Variants in TRIM52 observed in about 807,000 individuals in gnomAD.
The protein encoded by TRIM52 is tripartite motif containing 52.
TRIM52 carries 24 observed loss-of-function variants against 27.0 expected under a neutral mutation model. The observed-to-expected ratio is 0.89, with a 90% CI of 0.64 to 1.25. The LOEUF (loss-of-function observed/expected upper bound fraction) is 1.25. TRIM52 is among the 50% of genes most tolerant of loss of function. The pLI, the probability that TRIM52 is intolerant of heterozygous loss-of-function variation, is 0.00. For synonymous variants in TRIM52, 125 were observed against 126.5 expected (o/e 0.99, Z 0.08); for missense variants, 351 against 354.7 (o/e 0.99, Z 0.08).
chr5:181,251,663 C>T (rs56881302), downstream of TRIM52, among the ~76,000 whole-genome samples: 1,357 of 152,226 alleles, frequency 8.9e-3, 24 homozygotes, highest in African/African-American at 0.031. Flanking sequence ...GCTCACTGCC[C>T]CACACCCAGG....
downstream of TRIM52, among the ~76,000 whole-genome samples, chr5:181,253,601 A>G (rs1189804639): frequency 7.0e-6 from 1 of 142,974 alleles, no homozygotes; most frequent in Non-Finnish European, 1.5e-5. Context: ...TGTAGTGGGT[A>G]GAGTCCAGAG....
chr5:181,257,433 C>G (rs1759830232), intron 1 of TRIM52: 1 of 1,612,780 alleles, frequency 6.2e-7, no homozygotes, highest in African/African-American at 1.3e-5. Flanking sequence ...ATAGGCCTTG[C>G]TGTGAATGCT....
intron 1 of TRIM52, chr5:181,259,762 A>G: frequency 2.6e-6 from 2 of 779,322 alleles, no homozygotes; most frequent in Non-Finnish European, 3.9e-6. Flanking sequence ...GCTTCCAGTG[A>G]CCGTCATATT....
rs1185397318 is a variant in TRIM52, at chr5:181,260,003, G to T, written c.811C>A (p.Gln271Lys). 1.2e-6 allele frequency: 2 copies of T among 1,613,494 alleles called. No homozygotes were observed. Among genetic ancestry groups the T allele is most frequent in the African/African-American group, 2.7e-5 (2 of 74,872 alleles). The change falls in exon 1 of 2, where the codon CAG (glutamine) becomes AAG (lysine). Residue 271 changes from glutamine to lysine, a missense_variant and splice_region_variant. Gln to Lys is a moderately conservative substitution (Grantham distance 53, BLOSUM62 1). Coordinates refer to ENST00000688015, the MANE Select transcript of TRIM52 (RefSeq NM_001346048.2). The surrounding 1 kb of genome is among the most constrained non-coding windows in gnomAD (Gnocchi z 4.4). ...CCACATTCCCTCATTTCTCTCACCT[G>T]GTACTCCTGCACCACCTCCTCCAAA... ...LPLEEVVQEY[Q>K]KIGSTSSVEL...
Position 181,260,142 on chromosome 5 carries a change from C to T in TRIM52, c.672G>A (p.Gln224=). 2 of 1,614,218 alleles carry T rather than the reference C, an allele frequency of 1.2e-6. No individual in the cohort carries two copies. The highest frequency in any genetic ancestry group is 1.7e-6 in the Non-Finnish European group (2 of 1,180,042). The part of the protein sequence containing the change: ...TPYRGNRSND[Q]GMCFKHQEAL... ...CTTCCTGGTGTTTAAAGCACATGCC[C>T]TGATCATTACTCCGGTTTCCCCGAT... is the stretch of plus-strand genomic sequence containing the variant. Residue 224 remains glutamine, a synonymous_variant, in exon 1 of 2, where the codon CAG becomes CAA. Transcript: ENST00000688015. The surrounding 1 kb of genome is among the most constrained non-coding windows in gnomAD (Gnocchi z 4.4).
Position 181,256,528 on chromosome 5 carries a change from A to C in TRIM52, c.*281T>G, listed in dbSNP as rs530205373. ...TGTTTTTTAAGATCTGAAGTTTGAT[A>C]TATACAGTCATTAATTCAGAGTTAA... On this transcript the variant is annotated 3_prime_UTR_variant, in exon 2 of 2. Coordinates refer to ENST00000688015, the MANE Select transcript of TRIM52 (RefSeq NM_001346048.2). The C allele has an allele frequency of 5.9e-5, 9 of 152,598 alleles. No homozygotes were observed. The highest frequency in any genetic ancestry group is 2.2e-4 in the African/African-American group (9 of 41,558). 9.5% of individuals were successfully genotyped at this position (152,598 alleles called of 1,614,324 possible).
chr5:181,258,463 T>C (rs369905052), intron 1 of TRIM52: 1 of 152,224 alleles, frequency 6.6e-6, no homozygotes, highest in Admixed American at 6.5e-5. Flanking sequence ...CCCAGAAGCA[T>C]AGGACATAAG....
Position 181,255,559 on chromosome 5 carries a change from C to T in TRIM52, c.*1250G>A, listed in dbSNP as rs1759741709. 6.6e-6 allele frequency: 1 copy of T among 152,198 alleles called. No individual in the cohort carries two copies. Among genetic ancestry groups the T allele is most frequent in the South Asian group, 2.1e-4 (1 of 4,834 alleles). 9.4% of individuals were successfully genotyped at this position (152,198 alleles called of 1,614,324 possible). ...GATTTTAAGAACAAGCTCAGGAGCA[C>T]ATCACTCAAAATAATTCCAAGTATT... On this transcript the variant is annotated 3_prime_UTR_variant, in exon 2 of 2. Transcript: ENST00000688015.
Position 181,260,871 on chromosome 5 carries a change from G to A in TRIM52, c.-58C>T. The A allele has an allele frequency of 1.1e-5, 16 of 1,515,782 alleles. No individual in the cohort carries two copies. The South Asian group carries it at 1.8e-4, about 17-fold the overall frequency. 93.9% of individuals were successfully genotyped at this position (1,515,782 alleles called of 1,614,324 possible). A position where few individuals can be genotyped will look rare whatever the true frequency, so the allele number is the denominator to read the frequency against. On this transcript the variant is annotated 5_prime_UTR_variant, in exon 1 of 2. Coordinates refer to ENST00000688015, the MANE Select transcript of TRIM52 (RefSeq NM_001346048.2). This position sits in a 1 kb window ranked among gnomAD's most constrained non-coding sequence, Gnocchi z 4.4. ...GCTTGGAGCTGAGGAGCGGGGACGCGCCTGCAGGCCTGCCTCCAAACTACT... is the reference window on the plus strand; with the variant it reads ...GCTTGGAGCTGAGGAGCGGGGACGCACCTGCAGGCCTGCCTCCAAACTACT...
Position 181,260,631 on chromosome 5 carries a change from A to G in TRIM52, c.183T>C (p.Asp61=). The G allele has an allele frequency of 1.2e-6, 2 of 1,612,802 alleles. No individual in the cohort carries two copies. The highest frequency in any genetic ancestry group is 1.1e-5 in the South Asian group (1 of 90,950). ...EDEEDQNEEE[D]EWEEEEDEEA... is the part of the protein sequence containing the mutation. ...CCTCGTCCTCCTCCTCCTCCCATTCATCTTCCTCCTCGTTCTGGTCCTCCT... is the reference window on the plus strand; with the variant it reads ...CCTCGTCCTCCTCCTCCTCCCATTCGTCTTCCTCCTCGTTCTGGTCCTCCT... Residue 61 remains aspartate, a synonymous_variant, in exon 1 of 2, where the codon GAT becomes GAC. Transcript: ENST00000688015. This position sits in a 1 kb window ranked among gnomAD's most constrained non-coding sequence, Gnocchi z 4.4.
chr5:181,253,217 CAG>C (rs1215736910), downstream of TRIM52, among the ~76,000 whole-genome samples: 2 of 141,228 alleles, frequency 1.4e-5, no homozygotes, highest in Admixed American at 1.4e-4. Context: ...GTATTTTTAG[CAG>C]AGACAGGGTT....
In TRIM52 at chr5:181,260,508, A is replaced by G. The variant is rs887512443; in HGVS notation, c.306T>C (p.Asp102=). 6.2e-7 allele frequency: 1 copy of G among 1,613,614 alleles called. No individual in the cohort carries two copies. Among genetic ancestry groups the G allele is most frequent in the Non-Finnish European group, 8.5e-7 (1 of 1,179,936 alleles). Residue 102 remains aspartate (D), a synonymous_variant, in exon 1 of 2, where the codon GAT becomes GAC. Transcript: ENST00000688015. This position sits in a 1 kb window ranked among gnomAD's most constrained non-coding sequence, Gnocchi z 4.4. ...TACCACTGTCACCGAGCCAGAGTTC[A>G]TCGTCATCTTGGTCTTGGAACAACT... ...DEELFQDQDD[D]ELWLGDSGIT... is the part of the protein sequence containing the mutation.
chr5:181,260,724 G>A lies in TRIM52; in HGVS notation c.90C>T (p.Pro30=), dbSNP rs775883131. 7 of 1,613,960 alleles carry A rather than the reference G, an allele frequency of 4.3e-6. No individual in the cohort carries two copies. Among genetic ancestry groups the A allele is most frequent in the East Asian group, 4.5e-5 (2 of 44,844 alleles). ...CAICLDYFKD[P]VSISCGHNFC... is the part of the protein sequence containing the mutation. Reference sequence around the variant, plus strand: ...AGTTGTGCCCACAGCTGATGGACACGGGGTCCTTGAAGTAATCCAAGCAGA... The same window carrying A: ...AGTTGTGCCCACAGCTGATGGACACAGGGTCCTTGAAGTAATCCAAGCAGA... Residue 30 remains proline, a synonymous_variant, in exon 1 of 2, where the codon CCC becomes CCT. Transcript: ENST00000688015. The surrounding 1 kb of genome is among the most constrained non-coding windows in gnomAD (Gnocchi z 4.4).
At chr5:181,251,802 C>G (rs546902977), downstream of TRIM52, among the ~76,000 whole-genome samples, 1 of 152,320 alleles carries the variant, frequency 6.6e-6, no homozygotes, top group African/African-American at 2.4e-5. Flanking sequence ...GATCTGTCCT[C>G]TCATTAACTC....
chr5:181,260,086 T>C lies in TRIM52; in HGVS notation c.728A>G (p.Glu243Gly). The stretch of plus-strand genomic sequence containing the variant: ...TTCTCGGCACACCACACAGATGGCC[T>C]CTTTGTCCACCTCACAGAAGAGTTT... ...ALKLFCEVDKEAICVVCRESR... is the reference protein window; with the variant it reads ...ALKLFCEVDKGAICVVCRESR... The change falls in exon 1 of 2, where the codon GAG becomes GGG. Residue 243 changes from glutamate (E) to glycine (G), a missense_variant. Coordinates refer to ENST00000688015, the MANE Select transcript of TRIM52 (RefSeq NM_001346048.2). The surrounding 1 kb of genome is among the most constrained non-coding windows in gnomAD (Gnocchi z 4.4). 6.2e-7 allele frequency: 1 copy of C among 1,614,182 alleles called. No individual in the cohort carries two copies. The highest frequency in any genetic ancestry group is 8.5e-7 in the Non-Finnish European group (1 of 1,180,028).
At chr5:181,258,052 T>A (rs1004294575) in intron 1 of TRIM52, 1 of 151,964 alleles carries the variant, frequency 6.6e-6, no homozygotes, top group African/African-American at 2.4e-5. Flanking sequence ...AACTGTGCAC[T>A]TAACAATATT....
At chr5:181,257,826 C>G (rs6601180) in intron 1 of TRIM52, 2 of 163,500 alleles carry the variant, frequency 1.2e-5, no homozygotes, top group South Asian at 3.1e-4. Flanking sequence ...CCCGTCTACA[C>G]TAAAAATGCA....
At position 181,260,427 on chromosome 5, in the gene TRIM52, CTCT is replaced by C. The variant is rs3073543; in HGVS notation, c.384_386del (p.Glu130del). 0.31 allele frequency: 505,579 copies of C among 1,613,306 alleles called. 91,430 individuals are homozygous for C. Among genetic ancestry groups the C allele is most frequent in the African/African-American group, 0.83 (61,583 of 74,636 alleles). ...CTCCTAGGTAATAGTCCTGATCTTC[CTCT>C]TCTTCTTCTTCCTCCTCGTCCCACA... On this transcript the variant is annotated inframe_deletion, in exon 1 of 2. Transcript: ENST00000688015. This position sits in a 1 kb window ranked among gnomAD's most constrained non-coding sequence, Gnocchi z 4.4.
chr5:181,254,498 C>G (rs963283709), downstream of TRIM52: 4 of 151,910 alleles, frequency 2.6e-5, no homozygotes, highest in African/African-American at 9.7e-5. Context: ...GCCCAGGCCT[C>G]CTGAATAGCT....
Sources: allele counts gnomAD v4.1 joint callset (sites outside exome capture counted in the v4.1 genomes callset), GRCh38; gene constraint gnomAD v4.1.1; non-coding constraint Gnocchi (gnomAD v3.1); transcripts MANE v1.5; gene names NCBI Gene and HGNC (gene_info 2026-07-23, HGNC 2026-07-21).